The following GALNT13 variants were observed in gnomAD, a reference collection of about 807,000 sequenced individuals.
GALNT13 encodes the protein UDP-GalNAc:polypeptide N-acetylgalactosaminyltransferase 13.
In GALNT13, 28 loss-of-function variants were observed where a neutral mutation model predicts 64.2. That is an observed-to-expected ratio of 0.44 (90% CI 0.32 to 0.60). The LOEUF (loss-of-function observed/expected upper bound fraction) is 0.60. Ranked by LOEUF, GALNT13 falls within the 20% of genes least tolerant of loss-of-function variation. GALNT13 has a pLI of 0.05. For missense variants in GALNT13, 577 were observed against 669.8 expected, an observed-to-expected ratio of 0.86 and a Z score of 1.53; for synonymous variants, 214 against 224.6, an observed-to-expected ratio of 0.95 and a Z score of 0.42.
chr2:154,156,090 A>C (rs886699760), intron 4 of GALNT13, among the ~76,000 whole-genome samples: 1 of 151,530 alleles, frequency 6.6e-6, no homozygotes, highest in Non-Finnish European at 1.5e-5. Context: ...CTGTAGATAC[A>C]GATAGAGACA....
At chr2:153,990,584 C>T (rs753590266) in intron 3 of GALNT13, among the ~76,000 whole-genome samples, 13 of 152,050 alleles carry the variant, frequency 8.5e-5, no homozygotes, top group Non-Finnish European at 1.5e-4. Context: ...CTCTTTGAGT[C>T]GTATTTTGAG....
At chr2:153,913,143 GC>G (rs1485011374) in intron 2 of GALNT13, among the ~76,000 whole-genome samples, 2 of 152,202 alleles carry the variant, frequency 1.3e-5, no homozygotes, top group African/African-American at 4.8e-5. Flanking sequence ...GGTGGTGGCT[GC>G]CTAGGTTGTG....
chr2:153,221,420 C>G, the GALNT13 span, among the ~76,000 whole-genome samples: 1 of 152,202 alleles, frequency 6.6e-6, no homozygotes, highest in Admixed American at 6.5e-5. Context: ...ATCATGATAG[C>G]ACTAATCAAA....
intron 3 of GALNT13, among the ~76,000 whole-genome samples, chr2:153,949,480 A>T (rs1307992725): frequency 1.3e-5 from 2 of 151,450 alleles, no homozygotes; most frequent in African/African-American, 4.9e-5. Context: ...GTTTGAGTCC[A>T]GGCTGGGCAA....
the GALNT13 span, among the ~76,000 whole-genome samples, chr2:153,523,704 G>A: frequency 2.0e-5 from 3 of 152,132 alleles, no homozygotes; most frequent in Non-Finnish European, 4.4e-5. Flanking sequence ...AGTTTCAGAA[G>A]AATTTGTTGA....
At chr2:153,417,930 G>T in the GALNT13 span, among the ~76,000 whole-genome samples, 2 of 152,144 alleles carry the variant, frequency 1.3e-5, no homozygotes, top group East Asian at 3.9e-4. Flanking sequence ...GAAATGGGAA[G>T]AAACAATCAG....
At chr2:153,919,080 T>C (rs1252929616) in intron 2 of GALNT13, among the ~76,000 whole-genome samples, 1 of 152,256 alleles carries the variant, frequency 6.6e-6, no homozygotes, top group African/African-American at 2.4e-5. Context: ...TATTATTTTT[T>C]GATGAAATCT....
chr2:154,022,646 G>A (rs967641574), intron 3 of GALNT13, among the ~76,000 whole-genome samples: 1 of 152,060 alleles, frequency 6.6e-6, no homozygotes, highest in African/African-American at 2.4e-5. Flanking sequence ...CAAAAAACCA[G>A]CTCCTGGATT....
chr2:153,612,519 AAAC>A, the GALNT13 span, among the ~76,000 whole-genome samples: 5 of 152,294 alleles, frequency 3.3e-5, no homozygotes, highest in South Asian at 2.1e-4. Flanking sequence ...AAAAAAATGG[AAAC>A]AACAAAATCG....
the GALNT13 span, among the ~76,000 whole-genome samples, chr2:153,307,264 C>T: frequency 2.0e-5 from 3 of 151,936 alleles, no homozygotes; most frequent in Non-Finnish European, 2.9e-5. Flanking sequence ...ATTGTTAAGC[C>T]GATACATTGC....
chr2:153,293,457 G>A, the GALNT13 span, among the ~76,000 whole-genome samples: 4 of 152,094 alleles, frequency 2.6e-5, no homozygotes. Context: ...GATGTAGGAA[G>A]GGGCCAAGGG....
At chr2:154,420,880 C>A (rs1005314558) in intron 11 of GALNT13, among the ~76,000 whole-genome samples, 8 of 152,038 alleles carry the variant, frequency 5.3e-5, no homozygotes, top group Admixed American at 1.3e-4. Flanking sequence ...CAAGCAGAAT[C>A]CATACTTATG....
chr2:153,990,661 A>T (rs1229879978), intron 3 of GALNT13, among the ~76,000 whole-genome samples: 1 of 152,146 alleles, frequency 6.6e-6, no homozygotes, highest in East Asian at 1.9e-4. Context: ...TGAAAATAAA[A>T]CAAAAGAGTA....
At chr2:153,822,228 A>G in the GALNT13 span, among the ~76,000 whole-genome samples, 2 of 152,176 alleles carry the variant, frequency 1.3e-5, no homozygotes, top group Non-Finnish European at 2.9e-5. Flanking sequence ...TCTGTAACCC[A>G]TTCCACAAAG....
intron 4 of GALNT13, among the ~76,000 whole-genome samples, chr2:154,145,119 T>TATATACACAC: frequency 7.3e-6 from 1 of 137,290 alleles, no homozygotes; most frequent in South Asian, 2.4e-4. Context: ...TATATATATA[T>TATATACACAC]ACACACACTA....
chr2:153,536,394 C>G, the GALNT13 span, among the ~76,000 whole-genome samples: 9 of 152,126 alleles, frequency 5.9e-5, no homozygotes, highest in African/African-American at 2.2e-4. Context: ...TCTGTCCAAT[C>G]TGGAGGAGGA....
intron 3 of GALNT13, among the ~76,000 whole-genome samples, chr2:154,108,687 A>AT (rs74314041): frequency 0.31 from 46,454 of 150,896 alleles, 9,434 homozygotes; most frequent in East Asian, 0.83. Flanking sequence ...TTATTCCGTG[A>AT]TTTTTTTTTC....
intron 8 of GALNT13, among the ~76,000 whole-genome samples, chr2:154,282,302 A>G (rs938732528): frequency 6.6e-6 from 1 of 152,190 alleles, no homozygotes; most frequent in Non-Finnish European, 1.5e-5. Flanking sequence ...GCCTCATAAT[A>G]AGTTTTATAG....
At chr2:154,230,765 A>G (rs146236987) in intron 4 of GALNT13, among the ~76,000 whole-genome samples, 5 of 152,190 alleles carry the variant, frequency 3.3e-5, no homozygotes, top group African/African-American at 1.2e-4. Context: ...AGAATTATCT[A>G]TGGATGTTCA....
Sources: gnomAD v4.1 joint callset for allele counts (sites outside exome capture counted in the v4.1 genomes callset) on GRCh38, gnomAD v4.1.1 for gene constraint, MANE v1.5 for transcripts, NCBI Gene and HGNC (gene_info 2026-07-23, HGNC 2026-07-21) for gene names.